LUZP2: variants seen among roughly 807,000 people sequenced by gnomAD.
LUZP2 encodes the protein leucine zipper protein 2.
A neutral mutation model predicts 51.6 loss-of-function variants in LUZP2; 52 were observed. The observed-to-expected ratio is 1.01, with a 90% confidence interval of 0.81 to 1.27. The LOEUF (loss-of-function observed/expected upper bound fraction) is 1.27, where lower values mean the gene tolerates loss of function less well. LUZP2 is among the 50% of genes most tolerant of loss of function. The pLI is 0.00. For missense variants in LUZP2, 436 were observed against 395.4 expected (o/e 1.10, Z -0.87); for synonymous variants, 154 against 137.3 (o/e 1.12, Z -0.85).
At chr11:24,848,542 T>C (rs1851278933) in intron 5 of LUZP2, among the ~76,000 whole-genome samples, 1 of 152,168 alleles carries the variant, frequency 6.6e-6, no homozygotes, top group Admixed American at 6.6e-5. Flanking sequence ...TTTCTTGTCT[T>C]TGGCCCTGCT....
In LUZP2 at chr11:24,736,178, A is replaced by G. The variant is rs544357942; in HGVS notation, c.252-2043A>G. 1.3e-4 allele frequency among the ~76,000 whole-genome samples: 19 copies of G among 151,910 alleles called. No homozygotes were observed. The South Asian group carries it at 3.9e-3, about 32-fold the overall frequency. ...TGGGGGATTTTTTTGGAAGAAATAT[A>G]TAGATAGATACCTACTCCCACACAT... is the stretch of plus-strand genomic sequence containing the variant. On this transcript the variant is annotated intron_variant, in intron 3 of 11. Transcript: ENST00000336930.
At chr11:24,587,778 G>GT (rs923372415) in intron 1 of LUZP2, among the ~76,000 whole-genome samples, 4 of 151,740 alleles carry the variant, frequency 2.6e-5, no homozygotes, top group South Asian at 2.1e-4. Flanking sequence ...AGTCTAGACA[G>GT]TTTTTTTTAA....
chr11:24,928,252 G>C (rs1854338222), intron 7 of LUZP2, among the ~76,000 whole-genome samples: 2 of 151,974 alleles, frequency 1.3e-5, no homozygotes, highest in African/African-American at 4.8e-5. Context: ...GATTGCCCTG[G>C]CTAGAACTTC....
intron 1 of LUZP2, among the ~76,000 whole-genome samples, chr11:24,702,001 A>G (rs1424529857): frequency 6.6e-6 from 1 of 152,156 alleles, no homozygotes; most frequent in African/African-American, 2.4e-5. Context: ...CTCCTTGACC[A>G]TGGCTCTCCC....
intron 1 of LUZP2, among the ~76,000 whole-genome samples, chr11:24,711,070 G>A (rs1169746183): frequency 6.6e-6 from 1 of 152,140 alleles, no homozygotes; most frequent in East Asian, 1.9e-4. Flanking sequence ...ATCTAAAGGG[G>A]GAACTGGCAA....
At position 24,542,925 on chromosome 11, in the gene LUZP2, G is replaced by C. The variant is rs72874816; in HGVS notation, c.62+45620G>C. The stretch of plus-strand genomic sequence containing the variant: ...AAAAAGAACAGCACACACACACACA[G>C]AAAAAAAAAAAACTAGAAAAATTTA... On this transcript the variant is annotated intron_variant, in intron 1 of 11. Coordinates refer to ENST00000336930, the MANE Select transcript of LUZP2 (RefSeq NM_001009909.4). 4.5e-4 allele frequency among the ~76,000 whole-genome samples: 61 copies of C among 135,720 alleles called. No individual in the cohort carries two copies. In the East Asian group the frequency reaches 7.5e-3, roughly 17 times the overall value. The allele number at this position is 135,720 out of a possible 152,430, so 89.0% of individuals were successfully genotyped here. A position where few individuals can be genotyped will look rare whatever the true frequency, so the allele number is the denominator to read the frequency against.
chr11:24,838,795 G>C (rs113568463), intron 5 of LUZP2, among the ~76,000 whole-genome samples: 1 of 151,618 alleles, frequency 6.6e-6, no homozygotes, highest in Non-Finnish European at 1.5e-5. Context: ...CTTTGAGCAT[G>C]ATGAAAGATC....
Position 24,926,533 on chromosome 11 carries a change from G to GTA in LUZP2, c.522+12004_522+12005dup, listed in dbSNP as rs1426531795. Among the ~76,000 whole-genome samples, 36 of 144,802 alleles carry GTA rather than the reference G, an allele frequency of 2.5e-4. No individual in the cohort carries two copies. The Middle Eastern group carries it at 0.011, about 46-fold the overall frequency. The allele number at this position is 144,802 out of a possible 152,430, so 95.0% of individuals were successfully genotyped here. On this transcript the variant is annotated intron_variant, in intron 7 of 11. Transcript: ENST00000336930. ...TGTATATACGTGTATATATGTGTGT[G>GTA]TATATATATACGTGTATATATATGT...
intron 9 of LUZP2, among the ~76,000 whole-genome samples, chr11:25,043,323 G>T (rs1175400549): frequency 6.6e-6 from 1 of 151,982 alleles, no homozygotes; most frequent in Non-Finnish European, 1.5e-5. Flanking sequence ...CTACCATTTA[G>T]CCCAGTACAG....
At chr11:25,025,837 T>G (rs917318614) in intron 9 of LUZP2, among the ~76,000 whole-genome samples, 2 of 152,294 alleles carry the variant, frequency 1.3e-5, no homozygotes, top group East Asian at 3.9e-4. Flanking sequence ...TAAAGACACA[T>G]GCACACGTAT....
intron 5 of LUZP2, among the ~76,000 whole-genome samples, chr11:24,903,684 C>T (rs1382398699): frequency 2.6e-5 from 4 of 152,166 alleles, no homozygotes; most frequent in African/African-American, 9.7e-5. Context: ...TGGTTATCTG[C>T]TCTCCTTTAG....
At chr11:24,510,566 C>T (rs942859369) in intron 1 of LUZP2, among the ~76,000 whole-genome samples, 8 of 152,174 alleles carry the variant, frequency 5.3e-5, no homozygotes, top group African/African-American at 1.9e-4. Context: ...CTGGCTGGTT[C>T]TCCATGGCCA....
intron 4 of LUZP2, among the ~76,000 whole-genome samples, chr11:24,746,719 C>A (rs1211633846): frequency 6.6e-6 from 1 of 152,170 alleles, no homozygotes; most frequent in Non-Finnish European, 1.5e-5. Flanking sequence ...AGCATAATCC[C>A]AGACTTCTTG....
chr11:25,036,036 G>T (rs1857849118), intron 9 of LUZP2, among the ~76,000 whole-genome samples: 1 of 152,048 alleles, frequency 6.6e-6, no homozygotes, highest in Admixed American at 6.6e-5. Flanking sequence ...GTTTCAGTAA[G>T]ATTGGTATCC....
chr11:24,669,964 ATAAATTG>A (rs1042366392), intron 1 of LUZP2, among the ~76,000 whole-genome samples: 31 of 152,234 alleles, frequency 2.0e-4, no homozygotes, highest in African/African-American at 7.5e-4. Flanking sequence ...AGAGATGACA[ATAAATTG>A]TATGTTTATC....
intron 1 of LUZP2, among the ~76,000 whole-genome samples, chr11:24,514,237 G>A (rs1175513583): frequency 6.6e-6 from 1 of 152,050 alleles, no homozygotes; most frequent in African/African-American, 2.4e-5. Flanking sequence ...TTCTTTTCTG[G>A]CAATTAAAAA....
chr11:24,996,536 G>C (rs10834569), intron 9 of LUZP2, among the ~76,000 whole-genome samples: 59,920 of 150,600 alleles, frequency 0.4, 14,336 homozygotes, highest in East Asian at 0.78. Flanking sequence ...GAATTCTCAC[G>C]TTACAATTAT....
intron 5 of LUZP2, among the ~76,000 whole-genome samples, chr11:24,788,611 A>G (rs1457194921): frequency 1.3e-5 from 2 of 152,134 alleles, no homozygotes; most frequent in East Asian, 3.8e-4. Flanking sequence ...AGCCAAAACA[A>G]CTGGAAATAT....
chr11:24,733,744 A>T (rs543480581), intron 3 of LUZP2, among the ~76,000 whole-genome samples: 179 of 151,188 alleles, frequency 1.2e-3, no homozygotes, highest in African/African-American at 2.1e-3. Context: ...GTATTTTTTA[A>T]AAAAAAATTT....
Sources: allele counts gnomAD v4.1 joint callset (sites outside exome capture counted in the v4.1 genomes callset), GRCh38; gene constraint gnomAD v4.1.1; transcripts MANE v1.5; gene names NCBI Gene and HGNC (gene_info 2026-07-23, HGNC 2026-07-21).